The following SKA2 variants were observed in gnomAD, a reference collection of about 807,000 sequenced individuals.
The protein encoded by SKA2 is spindle and kinetochore-associated protein 2.
In SKA2, 13 loss-of-function variants were observed where a neutral mutation model predicts 16.9. The ratio of observed to expected loss-of-function variants is 0.77; its 90% CI spans 0.50 to 1.22. The LOEUF (loss-of-function observed/expected upper bound fraction) is 1.22, where lower values mean the gene tolerates loss of function less well. Among genes scored for constraint, SKA2 ranks in the 50% most tolerant of loss-of-function variants. SKA2 has a pLI of 0.00. For synonymous variants in SKA2, 47 were observed against 48.5 expected (o/e 0.97, Z 0.13); for missense variants, 107 against 139.7 (o/e 0.77, Z 1.18).
chr17:59,141,723 C>CAAA (rs540951589), intron 1 of SKA2, among the ~76,000 whole-genome samples: 2 of 53,296 alleles, frequency 3.8e-5, no homozygotes, highest in Admixed American at 2.1e-4. Flanking sequence ...GACCTTGTCT[C>CAAA]AAAAAAAAAA....
At chr17:59,147,845 A>T (rs1314857945) in intron 1 of SKA2, among the ~76,000 whole-genome samples, 5 of 151,452 alleles carry the variant, frequency 3.3e-5, no homozygotes, top group Admixed American at 6.6e-5. Flanking sequence ...AAAAAAAAAA[A>T]ATTTTTTTTT....
chr17:59,152,654 G>A (rs2046586442), intron 1 of SKA2, among the ~76,000 whole-genome samples: 2 of 152,014 alleles, frequency 1.3e-5, no homozygotes, highest in South Asian at 4.1e-4. Context: ...TCAGAAGATA[G>A]CACAGGAATC....
At chr17:59,139,832 G>A in intron 1 of SKA2, among the ~76,000 whole-genome samples, 1 of 152,036 alleles carries the variant, frequency 6.6e-6, no homozygotes, top group Non-Finnish European at 1.5e-5. Context: ...TCGCTTTTTT[G>A]TATCCTTAGT....
At chr17:59,122,596 G>T (rs1178497041) in intron 2 of SKA2, among the ~76,000 whole-genome samples, 1 of 152,032 alleles carries the variant, frequency 6.6e-6, no homozygotes, top group Non-Finnish European at 1.5e-5. Context: ...GGGCGACAGA[G>T]CAAGACTCCA....
chr17:59,127,488 A>G (rs1599665500), intron 2 of SKA2, among the ~76,000 whole-genome samples: 1 of 152,294 alleles, frequency 6.6e-6, no homozygotes, highest in East Asian at 1.9e-4. Context: ...TCCTGGGTTC[A>G]AGCAATTCTC....
At position 59,111,583 on chromosome 17, in the gene SKA2, T is replaced by C. The variant is rs1327591716; in HGVS notation, c.*694A>G. 1.3e-5 allele frequency: 2 copies of C among 152,206 alleles called. No homozygotes were observed. The highest frequency in any genetic ancestry group is 2.9e-5 in the Non-Finnish European group (2 of 68,046). The allele number at this position is 152,206 out of a possible 1,614,324, so 9.4% of individuals were successfully genotyped here. Reference sequence around the variant, plus strand: ...AGCTTTCATGTAGAATGAACAATTATAGTAATAAAGGCTGAAGGAAAACAA... The same window carrying C: ...AGCTTTCATGTAGAATGAACAATTACAGTAATAAAGGCTGAAGGAAAACAA... On this transcript the variant is annotated 3_prime_UTR_variant, in exon 4 of 4. Coordinates refer to ENST00000330137, the MANE Select transcript of SKA2 (RefSeq NM_182620.4).
intron 1 of SKA2, among the ~76,000 whole-genome samples, chr17:59,144,029 G>A (rs1048609158): frequency 2.6e-5 from 4 of 151,918 alleles, no homozygotes; most frequent in African/African-American, 7.3e-5. Context: ...GGCGTCATGC[G>A]CCTGTAGTCC....
rs1051933751 is a variant in SKA2 at position 59,134,339 on chromosome 17, C to A, written c.34-2972G>T. On this transcript the variant is annotated intron_variant, in intron 1 of 3. Coordinates refer to ENST00000330137, the MANE Select transcript of SKA2 (RefSeq NM_182620.4). Reference sequence around the variant, plus strand: ...CAATGAGTTATATAACATTCTTAAGCACAACTTTAAATACAAGTCTTTAAA... The same window carrying A: ...CAATGAGTTATATAACATTCTTAAGAACAACTTTAAATACAAGTCTTTAAA... Among the ~76,000 whole-genome samples, 10 of 152,156 alleles carry A rather than the reference C, an allele frequency of 6.6e-5. No homozygotes were observed. The East Asian group carries it at 1.9e-3, about 29-fold the overall frequency.
chr17:59,132,671 G>A (rs2147807944), intron 1 of SKA2, among the ~76,000 whole-genome samples: 1 of 152,146 alleles, frequency 6.6e-6, no homozygotes, highest in South Asian at 2.1e-4. Flanking sequence ...TCATAAATAA[G>A]TAAATAAGTA....
intron 3 of SKA2, chr17:59,118,234 C>G (rs1195981352): frequency 1.3e-5 from 2 of 152,442 alleles, no homozygotes; most frequent in African/African-American, 4.8e-5. Flanking sequence ...CCATTGCACT[C>G]CAGCCTGGGC....
chr17:59,127,216 T>C (rs1357512118), intron 2 of SKA2, among the ~76,000 whole-genome samples: 2 of 152,174 alleles, frequency 1.3e-5, no homozygotes, highest in African/African-American at 4.8e-5. Flanking sequence ...ATGTAGTTAA[T>C]GCCAGTGAAC....
chr17:59,154,127 G>A (rs1481271927), intron 1 of SKA2, among the ~76,000 whole-genome samples: 1 of 146,922 alleles, frequency 6.8e-6, no homozygotes, highest in Non-Finnish European at 1.5e-5. Flanking sequence ...AGTGGCAGGC[G>A]CTTCCTCCAA....
At chr17:59,152,557 A>G (rs1211741855) in intron 1 of SKA2, among the ~76,000 whole-genome samples, 1 of 152,182 alleles carries the variant, frequency 6.6e-6, no homozygotes, top group African/African-American at 2.4e-5. Context: ...TAACAAAATT[A>G]GGATAAACAC....
At chr17:59,138,492 C>T (rs1398626361) in intron 1 of SKA2, among the ~76,000 whole-genome samples, 1 of 151,934 alleles carries the variant, frequency 6.6e-6, no homozygotes, top group African/African-American at 2.4e-5. Context: ...AGGGCAGTGG[C>T]GCAATCTCAG....
chr17:59,143,359 A>G (rs2046507335), intron 1 of SKA2, among the ~76,000 whole-genome samples: 1 of 151,848 alleles, frequency 6.6e-6, no homozygotes, highest in African/African-American at 2.4e-5. Flanking sequence ...CCCTACCACC[A>G]TACCTGGCTA....
At chr17:59,141,511 A>C (rs892785323) in intron 1 of SKA2, among the ~76,000 whole-genome samples, 2 of 152,062 alleles carry the variant, frequency 1.3e-5, no homozygotes, top group Non-Finnish European at 2.9e-5. Flanking sequence ...AGATCACTTG[A>C]GCCCAGGAGT....
chr17:59,119,230 T>G, intron 3 of SKA2, 89 bp downstream of exon 3: 1 of 1,432,632 alleles, frequency 7.0e-7, no homozygotes, highest in East Asian at 2.4e-5. Flanking sequence ...CTGCTGAGTT[T>G]CAAAATTTAA....
At chr17:59,130,134 A>G (rs1827442220) in intron 2 of SKA2, among the ~76,000 whole-genome samples, 1 of 152,144 alleles carries the variant, frequency 6.6e-6, no homozygotes, top group South Asian at 2.1e-4. Flanking sequence ...ACACTCCCAT[A>G]GAATTCTAGC....
At chr17:59,142,481 G>T (rs2046498142) in intron 1 of SKA2, among the ~76,000 whole-genome samples, 1 of 151,452 alleles carries the variant, frequency 6.6e-6, no homozygotes. Flanking sequence ...GTAGAGATGG[G>T]GTTTCTCTAT....
Sources: allele counts gnomAD v4.1 joint callset (sites outside exome capture counted in the v4.1 genomes callset), GRCh38; gene constraint gnomAD v4.1.1; transcripts MANE v1.5; gene names NCBI Gene and HGNC (gene_info 2026-07-23, HGNC 2026-07-21).